The following MYCBP2 variants were observed in gnomAD, a reference collection of about 807,000 sequenced individuals.
MYCBP2 encodes E3 ubiquitin-protein ligase MYCBP2.
MYCBP2 carries 120 observed loss-of-function variants against 525.3 expected under a neutral mutation model. That is an observed-to-expected ratio of 0.23 (90% CI 0.20 to 0.27). MYCBP2 has a LOEUF of 0.27. Ranked by LOEUF, MYCBP2 falls within the 10% of genes least tolerant of loss-of-function variation. MYCBP2 has a pLI of 1.00. For missense variants in MYCBP2, 4,149 were observed against 5,657.1 expected (o/e 0.73, Z 8.55); for synonymous variants, 1,894 against 1,955.8 (o/e 0.97, Z 0.83).
chr13:77,086,473 A>G (rs1283474511), intron 62 of MYCBP2, among the ~76,000 whole-genome samples: 1 of 152,042 alleles, frequency 6.6e-6, no homozygotes, highest in Non-Finnish European at 1.5e-5. Flanking sequence ...TCTTGACTCA[A>G]TGGGTTGTTA....
intron 17 of MYCBP2, among the ~76,000 whole-genome samples, chr13:77,237,814 C>A (rs556547529): frequency 9.9e-5 from 15 of 152,114 alleles, no homozygotes; most frequent in African/African-American, 3.6e-4. Flanking sequence ...TCTATTTTTT[C>A]TTACTTATAC....
In MYCBP2 at chr13:77,326,397, ACACG is replaced by A; in HGVS notation, c.302+73_302+76del. 1 of 1,393,056 alleles carries A rather than the reference ACACG, an allele frequency of 7.2e-7. No individual in the cohort carries two copies. The highest frequency in any genetic ancestry group is 1.5e-5 in the African/African-American group (1 of 66,924). The allele number at this position is 1,393,056 out of a possible 1,614,324, so 86.3% of individuals were successfully genotyped here. A position where few individuals can be genotyped will look rare whatever the true frequency, so the allele number is the denominator to read the frequency against. On this transcript the variant is annotated intron_variant, in intron 1 of 82. Coordinates refer to ENST00000544440, the MANE Select transcript of MYCBP2 (RefSeq NM_015057.5). The surrounding 1 kb of genome is among the most constrained non-coding windows in gnomAD (Gnocchi z 4.2). ...CAGGTACACACACGCAAGCACACAC[ACACG>A]CGGGTGCACGCGCGGCATGGGGCGC...
In MYCBP2 at chr13:77,267,948, CA is replaced by C; in HGVS notation, c.1261-12del. On this transcript the variant is annotated splice_polypyrimidine_tract_variant and intron_variant, in intron 7 of 82. Transcript: ENST00000544440. ...ATATAATAAATAACCCTGATAACAG[CA>C]AAAAATTTTCCTGTTAAAATATTTA... The C allele has an allele frequency of 6.3e-7, 1 of 1,578,656 alleles. No homozygotes were observed.
intron 21 of MYCBP2, among the ~76,000 whole-genome samples, chr13:77,216,198 C>T (rs2064805043): frequency 6.6e-6 from 1 of 151,918 alleles, no homozygotes; most frequent in African/African-American, 2.4e-5. Flanking sequence ...TCTAGGCACC[C>T]AAATAATTAA....
intron 50 of MYCBP2, 26 bp downstream of exon 50, chr13:77,140,820 C>T (rs768741268): frequency 5.2e-5 from 79 of 1,524,840 alleles, no homozygotes; most frequent in East Asian, 9.2e-5. Flanking sequence ...TGAATGATTC[C>T]GGCTCTCAAT....
intron 26 of MYCBP2, among the ~76,000 whole-genome samples, chr13:77,199,032 G>T (rs2062093624): frequency 2.0e-5 from 3 of 152,142 alleles, no homozygotes; most frequent in South Asian, 2.1e-4. Flanking sequence ...TGTAGGGGGG[G>T]AGGAGGCAAG....
chr13:77,059,202 A>G (rs2038801800), intron 77 of MYCBP2, among the ~76,000 whole-genome samples: 1 of 152,218 alleles, frequency 6.6e-6, no homozygotes, highest in Non-Finnish European at 1.5e-5. Flanking sequence ...TTGAAAATGT[A>G]TTTTAAGGAA....
intron 1 of MYCBP2, among the ~76,000 whole-genome samples, chr13:77,314,985 A>C (rs186542656): frequency 8.5e-5 from 13 of 152,360 alleles, no homozygotes; most frequent in Admixed American, 3.3e-4. Context: ...TAGACCTTAA[A>C]GGATAATGAA....
chr13:77,261,985 T>C, intron 11 of MYCBP2, 68 bp downstream of exon 11: 1 of 1,244,410 alleles, frequency 8.0e-7, no homozygotes, highest in Non-Finnish European at 1.2e-6. Context: ...TATAAACTAA[T>C]CAACAGATTG....
chr13:77,102,965 TTAAG>T (rs1283566522), intron 55 of MYCBP2, among the ~76,000 whole-genome samples: 2 of 152,052 alleles, frequency 1.3e-5, no homozygotes, highest in Non-Finnish European at 2.9e-5. Flanking sequence ...AGTTTTAAAA[TTAAG>T]TAAGAGTAAT....
chr13:77,269,606 A>T lies in MYCBP2; in HGVS notation c.1260+386T>A, dbSNP rs558714764. ...GTGCCACTCCACTCTAACCTGGGTG[A>T]CACAGCGAGATTCTGTCTCAATTAA... is the stretch of plus-strand genomic sequence containing the variant. On this transcript the variant is annotated intron_variant, in intron 7 of 82. Coordinates refer to ENST00000544440, the MANE Select transcript of MYCBP2 (RefSeq NM_015057.5). Among the ~76,000 whole-genome samples, 258 of 152,286 alleles carry T rather than the reference A, an allele frequency of 1.7e-3. 1 individual carries two copies. Among genetic ancestry groups the T allele is most frequent in the African/African-American group, 6.0e-3 (249 of 41,546 alleles).
chr13:77,210,247 C>CAGTG (rs2063820301), intron 23 of MYCBP2, among the ~76,000 whole-genome samples: 1 of 148,578 alleles, frequency 6.7e-6, no homozygotes, highest in African/African-American at 2.5e-5. Flanking sequence ...GGCTGGAGTG[C>CAGTG]AGTGGTGCGA....
intron 4 of MYCBP2, among the ~76,000 whole-genome samples, chr13:77,275,913 G>A (rs1385967242): frequency 6.6e-6 from 1 of 152,190 alleles, no homozygotes; most frequent in Non-Finnish European, 1.5e-5. Context: ...GAACCCAGGA[G>A]GTGGAAGTTG....
chr13:77,166,630 G>GC, intron 40 of MYCBP2, 76 bp from the exon 41 acceptor site: 1 of 918,098 alleles, frequency 1.1e-6, no homozygotes, highest in Non-Finnish European at 1.6e-6. Context: ...CTGTATGTGT[G>GC]TGTGTGTCTA....
At chr13:77,117,679 CAAG>C (rs2050019318) in intron 55 of MYCBP2, among the ~76,000 whole-genome samples, 1 of 151,912 alleles carries the variant, frequency 6.6e-6, no homozygotes, top group Non-Finnish European at 1.5e-5. Flanking sequence ...AACTGAATGC[CAAG>C]AAGAACACAC....
Position 77,185,952 on chromosome 13 carries a change from C to G in MYCBP2, c.4363G>C (p.Asp1455His). The G allele has an allele frequency of 6.2e-7, 1 of 1,613,940 alleles. No individual in the cohort carries two copies. The highest frequency in any genetic ancestry group is 8.5e-7 in the Non-Finnish European group (1 of 1,179,904). ...KGFQFTATLLDLERLRFVGTC... is the reference protein window; with the variant it reads ...KGFQFTATLLHLERLRFVGTC... The stretch of plus-strand genomic sequence containing the variant: ...CCCACAAAGCGCAGTCTCTCTAAAT[C>G]TAGGAGTGTAGCTGTGAACTGGAAT... Residue 1455 changes from aspartate to histidine, a missense_variant, in exon 31 of 83, where the codon GAT becomes CAT. Asp to His is a moderately conservative substitution (Grantham distance 81). This residue lies in a region of MYCBP2 where 292 missense variants were observed against 330.5 expected (regional missense o/e 0.88). Coordinates refer to ENST00000544440, the MANE Select transcript of MYCBP2 (RefSeq NM_015057.5).
At chr13:77,215,846 G>T (rs563994415) in intron 21 of MYCBP2, among the ~76,000 whole-genome samples, 2 of 152,252 alleles carry the variant, frequency 1.3e-5, no homozygotes, top group East Asian at 3.9e-4. Flanking sequence ...CTGCCAAAGT[G>T]CTGGGATTAT....
intron 68 of MYCBP2, 52 bp downstream of exon 68, chr13:77,076,699 G>T: frequency 2.6e-6 from 3 of 1,140,584 alleles, no homozygotes; most frequent in Non-Finnish European, 3.8e-6. Flanking sequence ...TTATTTCACT[G>T]AAAAAAAGAA....
chr13:77,220,956 G>T (rs1201795635), intron 20 of MYCBP2, among the ~76,000 whole-genome samples: 2 of 152,132 alleles, frequency 1.3e-5, no homozygotes, highest in African/African-American at 2.4e-5. Context: ...ATGGAACAAG[G>T]ACCAAAACAT....
Sources: gnomAD v4.1 joint callset for allele counts (sites outside exome capture counted in the v4.1 genomes callset) on GRCh38, gnomAD v4.1.1 for gene constraint, gnomAD v4.1.1 regional missense constraint, Gnocchi (gnomAD v3.1) non-coding constraint, MANE v1.5 for transcripts, NCBI Gene and HGNC (gene_info 2026-07-23, HGNC 2026-07-21) for gene names.